RBM43: variants seen among roughly 807,000 people sequenced by gnomAD.
RBM43 encodes RNA binding motif protein 43, also known as RNA-binding protein 43.
A neutral mutation model predicts 12.4 loss-of-function variants in RBM43; 12 were observed. The ratio of observed to expected loss-of-function variants is 0.97; its 90% CI spans 0.62 to 1.57. The LOEUF (loss-of-function observed/expected upper bound fraction) is 1.57, where lower values mean the gene tolerates loss of function less well. RBM43 is among the 40% of genes most tolerant of loss of function. The pLI, the probability that RBM43 is intolerant of heterozygous loss-of-function variation, is 0.00. For missense variants in RBM43, 348 were observed against 400.1 expected (o/e 0.87, Z 1.11); for synonymous variants, 138 against 145.7 (o/e 0.95, Z 0.38).
chr2:151,250,855 C>A lies in RBM43; in HGVS notation c.*51G>T. On this transcript the variant is annotated 3_prime_UTR_variant, in exon 4 of 4. Transcript: ENST00000331426. Reference sequence around the variant, plus strand: ...AGCTAGCCTCATTCATGGCAATGGTCACTGCTCAGCAAGAGAAAGCAGCCC... The same window carrying A: ...AGCTAGCCTCATTCATGGCAATGGTAACTGCTCAGCAAGAGAAAGCAGCCC... 1.5e-6 allele frequency: 2 copies of A among 1,345,598 alleles called. No homozygotes were observed. Among genetic ancestry groups the A allele is most frequent in the South Asian group, 2.9e-5 (2 of 70,150 alleles). 83.4% of individuals were successfully genotyped at this position (1,345,598 alleles called of 1,614,324 possible). A position where few individuals can be genotyped will look rare whatever the true frequency, so the allele number is the denominator to read the frequency against.
At chr2:151,260,118 G>A (rs1683028322) in intron 1 of RBM43, among the ~76,000 whole-genome samples, 1 of 149,718 alleles carries the variant, frequency 6.7e-6, no homozygotes, top group African/African-American at 2.5e-5. Context: ...CTCCCCCCTC[G>A]GCCTCTCGAA....
At position 151,250,522 on chromosome 2, in the gene RBM43, C is replaced by T; in HGVS notation, c.*384G>A. ...GTTGAGGCAGGAGAATGGTGTGAACCCAGGAGGTGGACGTTGCAGTGAGCC... is the reference window on the plus strand; with the variant it reads ...GTTGAGGCAGGAGAATGGTGTGAACTCAGGAGGTGGACGTTGCAGTGAGCC... On this transcript the variant is annotated 3_prime_UTR_variant, in exon 4 of 4. Coordinates refer to ENST00000331426, the MANE Select transcript of RBM43 (RefSeq NM_198557.3). 1 of 152,104 alleles carries T rather than the reference C, an allele frequency of 6.6e-6. No individual in the cohort carries two copies. The allele number at this position is 152,104 out of a possible 1,614,324, so 9.4% of individuals were successfully genotyped here.
chr2:151,259,017 C>T (rs112320799), intron 1 of RBM43, among the ~76,000 whole-genome samples: 3,274 of 151,970 alleles, frequency 0.022, 122 homozygotes, highest in African/African-American at 0.074. Flanking sequence ...GTGGCACATG[C>T]CTGTAGTCCC....
In RBM43 at chr2:151,251,127, G is replaced by A. The variant is rs1367183095; in HGVS notation, c.853C>T (p.His285Tyr). Residue 285 changes from histidine (H) to tyrosine (Y), a missense_variant, in exon 4 of 4, where the codon CAT becomes TAT. Coordinates refer to ENST00000331426, the MANE Select transcript of RBM43 (RefSeq NM_198557.3). Reference sequence around the variant, plus strand: ...TTTCTAAGCTTTAAGTAAAGAGCATGTGACCATTCCTCAATGAGCTCTTTT... The same window carrying A: ...TTTCTAAGCTTTAAGTAAAGAGCATATGACCATTCCTCAATGAGCTCTTTT... ...HVKELIEEWS[H>Y]ALYLKLRKET... 1 of 1,613,450 alleles carries A rather than the reference G, an allele frequency of 6.2e-7. No individual in the cohort carries two copies.
rs760229429 is a variant in RBM43, at chr2:151,251,312, T to A, written c.668A>T (p.Asp223Val). Residue 223 changes from aspartate (D) to valine (V), a missense_variant, in exon 4 of 4, where the codon GAC becomes GTC. Asp to Val is a radical substitution (Grantham distance 152). Coordinates refer to ENST00000331426, the MANE Select transcript of RBM43 (RefSeq NM_198557.3). ...TTTCAGGTAAAGAAAAACATCTGTGTCAAGCACAAGCATTTCTCCACTTCT... is the reference window on the plus strand; with the variant it reads ...TTTCAGGTAAAGAAAAACATCTGTGACAAGCACAAGCATTTCTCCACTTCT... ...TARSGEMLVLDTDVFLYLKHK... is the reference protein window; with the variant it reads ...TARSGEMLVLVTDVFLYLKHK... The A allele has an allele frequency of 1.5e-5, 25 of 1,614,108 alleles. No individual in the cohort carries two copies. Among genetic ancestry groups the A allele is most frequent in the Non-Finnish European group, 2.1e-5 (25 of 1,179,988 alleles).
At chr2:151,256,016 C>T (rs2105191727) in intron 1 of RBM43, among the ~76,000 whole-genome samples, 1 of 152,240 alleles carries the variant, frequency 6.6e-6, no homozygotes, top group African/African-American at 2.4e-5. Context: ...GGCTGGAGTG[C>T]AGTGGTATGA....
At position 151,255,724 on chromosome 2, in the gene RBM43, T is replaced by G. The variant is rs773529645; in HGVS notation, c.23A>C (p.Lys8Thr). Residue 8 changes from lysine to threonine, a missense_variant, in exon 2 of 4, where the codon AAG becomes ACG. Transcript: ENST00000331426. The part of the protein sequence containing the change: MASVLNV[K>T]ESKAPERTVV... ...CGTTCTTTCAGGAGCTTTGGATTCCTTGACATTCAAAACTGATGCCTGTAA... is the reference window on the plus strand; with the variant it reads ...CGTTCTTTCAGGAGCTTTGGATTCCGTGACATTCAAAACTGATGCCTGTAA... 6.2e-7 allele frequency: 1 copy of G among 1,613,330 alleles called. No individual in the cohort carries two copies. The highest frequency in any genetic ancestry group is 8.5e-7 in the Non-Finnish European group (1 of 1,179,504).
Position 151,251,537 on chromosome 2 carries a change from C to T in RBM43, c.443G>A (p.Gly148Glu), listed in dbSNP as rs1398967012. Reference protein sequence around the residue: ...SLSFSPLKPNGRISVEGSFLA... With the variant: ...SLSFSPLKPNERISVEGSFLA... ...AAATGATCCTTCCACGGAGATTCTT[C>T]CATTGGGTTTCAAAGGACTGAAGCT... The change falls in exon 4 of 4, where the codon GGA (glycine) becomes GAA (glutamate). Residue 148 changes from glycine to glutamate, a missense_variant. Coordinates refer to ENST00000331426, the MANE Select transcript of RBM43 (RefSeq NM_198557.3). The T allele has an allele frequency of 6.2e-7, 1 of 1,614,178 alleles. No individual in the cohort carries two copies. Among genetic ancestry groups the T allele is most frequent in the Admixed American group, 1.7e-5 (1 of 60,030 alleles).
intron 2 of RBM43, 98 bp from the exon 3 acceptor site, chr2:151,252,953 AT>A (rs1013943970): frequency 9.0e-5 from 50 of 552,828 alleles, no homozygotes; most frequent in African/African-American, 6.8e-4. Context: ...AATGTCTAAG[AT>A]TTTTTTCTAC....
At chr2:151,261,575 C>CGGGGTCCCT (rs1234557827) in intron 1 of RBM43, 150 bp downstream of exon 1, 195 of 1,539,730 alleles carry the variant, frequency 1.3e-4, no homozygotes, top group Non-Finnish European at 1.7e-4. Flanking sequence ...CCGGGGCCCC[C>CGGGGTCCCT]GGGGTCCCTG....
intron 3 of RBM43, among the ~76,000 whole-genome samples, chr2:151,252,527 C>T (rs967541417): frequency 3.9e-5 from 6 of 152,126 alleles, no homozygotes; most frequent in African/African-American, 1.2e-4. Context: ...AAAATATACA[C>T]TTTGTAAAAT....
intron 3 of RBM43, 27 bp from the exon 4 acceptor site, chr2:151,251,691 A>G: frequency 1.3e-6 from 2 of 1,587,926 alleles, no homozygotes; most frequent in Non-Finnish European, 1.7e-6. Context: ...AGAAATGAAA[A>G]CAGTACTGCC....
In RBM43 at chr2:151,261,783, C is replaced by T; in HGVS notation, c.-56G>A. On this transcript the variant is annotated 5_prime_UTR_variant, in exon 1 of 4. Transcript: ENST00000331426. ...CAGAAAGCCCACAACCAGCGGAACG[C>T]AGGCGATGGGGAGAGGAGCGAGCAG... is the stretch of plus-strand genomic sequence containing the variant. 6.3e-7 allele frequency: 1 copy of T among 1,581,778 alleles called. No individual in the cohort carries two copies. Among genetic ancestry groups the T allele is most frequent in the Non-Finnish European group, 8.6e-7 (1 of 1,162,908 alleles).
chr2:151,252,638 C>A, intron 3 of RBM43, 117 bp downstream of exon 3: 2 of 594,668 alleles, frequency 3.4e-6, no homozygotes, highest in South Asian at 2.8e-5. Context: ...AGGGAGTTTG[C>A]ATTTTCCTTC....
At chr2:151,261,321 T>C in intron 1 of RBM43, 1 of 1,550,638 alleles carries the variant, frequency 6.4e-7, no homozygotes, top group East Asian at 2.4e-5. Flanking sequence ...CAGGCCACTT[T>C]TGTTCCCCCC....
Position 151,251,004 on chromosome 2 carries a change from T to C in RBM43, c.976A>G (p.Asn326Asp), listed in dbSNP as rs140284195. The change falls in exon 4 of 4, where the codon AAC becomes GAC. Residue 326 changes from asparagine to aspartate, a missense_variant. Physicochemically the swap from Asn to Asp is conservative, Grantham distance 23. Coordinates refer to ENST00000331426, the MANE Select transcript of RBM43 (RefSeq NM_198557.3). Reference sequence around the variant, plus strand: ...ATGTCAATGTGTGTCCTATAAAGGTTAATCAGGACTTCAAGGTATCTCGAA... The same window carrying C: ...ATGTCAATGTGTGTCCTATAAAGGTCAATCAGGACTTCAAGGTATCTCGAA... ...LSSRYLEVLI[N>D]LYRTHIDIIG... 72 of 1,613,694 alleles carry C rather than the reference T, an allele frequency of 4.5e-5. No homozygotes were observed. Among genetic ancestry groups the C allele is most frequent in the Non-Finnish European group, 5.9e-5 (70 of 1,179,664 alleles).
intron 1 of RBM43, among the ~76,000 whole-genome samples, chr2:151,256,663 A>T (rs1682979700): frequency 6.6e-6 from 1 of 152,160 alleles, no homozygotes; most frequent in Non-Finnish European, 1.5e-5. Flanking sequence ...TACTAAAAAT[A>T]CAAAAAGCAG....
Position 151,252,086 on chromosome 2 carries a change from T to C in RBM43, c.316-422A>G, listed in dbSNP as rs1265372207. ...AGTTGGTAAACCATTGCTTTGGATTTTAACTTTTTCCTCTTTTTCTTACTT... is the reference window on the plus strand; with the variant it reads ...AGTTGGTAAACCATTGCTTTGGATTCTAACTTTTTCCTCTTTTTCTTACTT... On this transcript the variant is annotated intron_variant, in intron 3 of 3. Transcript: ENST00000331426. Among the ~76,000 whole-genome samples the C allele has an allele frequency of 2.0e-5, 3 of 152,212 alleles. No individual in the cohort carries two copies. In the East Asian group the frequency reaches 5.8e-4, roughly 29 times the overall value.
Position 151,250,798 on chromosome 2 carries a change from G to A in RBM43, c.*108C>T. 1 of 760,480 alleles carries A rather than the reference G, an allele frequency of 1.3e-6. No individual in the cohort carries two copies. Among genetic ancestry groups the A allele is most frequent in the Non-Finnish European group, 2.1e-6 (1 of 467,730 alleles). The allele number at this position is 760,480 out of a possible 1,614,324, so 47.1% of individuals were successfully genotyped here. On this transcript the variant is annotated 3_prime_UTR_variant, in exon 4 of 4. Coordinates refer to ENST00000331426, the MANE Select transcript of RBM43 (RefSeq NM_198557.3). Reference sequence around the variant, plus strand: ...ATAGTCAACACTGACAAAGAAGGATGACTATAAGGATTCATGAGATACGGT... The same window carrying A: ...ATAGTCAACACTGACAAAGAAGGATAACTATAAGGATTCATGAGATACGGT...
Sources: gnomAD v4.1 joint callset for allele counts (sites outside exome capture counted in the v4.1 genomes callset) on GRCh38, gnomAD v4.1.1 for gene constraint, MANE v1.5 for transcripts, NCBI Gene and HGNC (gene_info 2026-07-23, HGNC 2026-07-21) for gene names.